The following TENT5D variants were observed in gnomAD, a reference collection of about 807,000 sequenced individuals.
TENT5D encodes cancer/testis antigen 112.
For synonymous variants in TENT5D, 103 were observed against 100.6 expected, an observed-to-expected ratio of 1.02 and a Z score of -0.15; for missense variants, 191 against 287.0, an observed-to-expected ratio of 0.67 and a Z score of 2.42.
intron 1 of TENT5D, among the ~76,000 whole-genome samples, chrX:80,426,780 C>T (rs539846591): frequency 1.8e-5 from 2 of 111,919 alleles, no homozygotes; most frequent in African/African-American, 6.5e-5. Context: ...ACGCCTTGCA[C>T]GTAAATCCAT....
At chrX:80,392,051 A>C (rs1431012778) in intron 3 of TENT5D, among the ~76,000 whole-genome samples, 1 of 112,479 alleles carries the variant, frequency 8.9e-6, no homozygotes, top group African/African-American at 3.2e-5. Flanking sequence ...TTACCTGGAA[A>C]GAATTACTTC....
rs1345582900 is a variant in TENT5D at position 80,408,563 on chromosome X, C to G, written c.-141-30047C>G. On this transcript the variant is annotated intron_variant, in intron 3 of 4. Transcript: ENST00000538312. ...ACTAAACCAGGAAGAAGTTGAATCT[C>G]TGAATAGACCAATAACACGAGCTGA... 9.1e-5 allele frequency among the ~76,000 whole-genome samples: 10 copies of G among 110,306 alleles called. No individual in the cohort carries two copies. In the Admixed American group the frequency reaches 9.6e-4, roughly 11 times the overall value.
intron 2 of TENT5D, among the ~76,000 whole-genome samples, chrX:80,342,285 C>T (rs931540607): frequency 2.7e-5 from 3 of 111,320 alleles, no homozygotes; most frequent in African/African-American, 6.5e-5. Context: ...CACTACAACA[C>T]GTCTCAAATT....
intron 3 of TENT5D, among the ~76,000 whole-genome samples, chrX:80,385,909 A>G (rs1232312815): frequency 8.9e-6 from 1 of 112,352 alleles, no homozygotes; most frequent in African/African-American, 3.2e-5. Flanking sequence ...TGATCATTAA[A>G]AAGTCAGGAA....
At chrX:80,405,267 G>A (rs989039626) in intron 3 of TENT5D, among the ~76,000 whole-genome samples, 4 of 112,672 alleles carry the variant, frequency 3.6e-5, no homozygotes, top group Non-Finnish European at 7.5e-5. Context: ...TGGCCGAATA[G>A]GAACAGCTCC....
chrX:80,351,226 C>G (rs1930171058), intron 3 of TENT5D, among the ~76,000 whole-genome samples: 1 of 110,600 alleles, frequency 9.0e-6, no homozygotes, highest in African/African-American at 3.3e-5. Context: ...TAGTTAATAT[C>G]CTGAAGTGTG....
chrX:80,382,617 G>A (rs894159480), intron 3 of TENT5D, among the ~76,000 whole-genome samples: 1 of 111,282 alleles, frequency 9.0e-6, no homozygotes, highest in African/African-American at 3.3e-5. Context: ...GCAGAGGCAG[G>A]CAGGCCTCCT....
intron 3 of TENT5D, among the ~76,000 whole-genome samples, chrX:80,400,146 C>T (rs758966789): frequency 1.3e-4 from 15 of 111,456 alleles, no homozygotes; most frequent in South Asian, 7.6e-4. Flanking sequence ...CCAAAAACCT[C>T]AGGACCCAGA....
At chrX:80,391,358 G>A (rs770390155) in intron 3 of TENT5D, among the ~76,000 whole-genome samples, 5 of 111,694 alleles carry the variant, frequency 4.5e-5, no homozygotes, top group Non-Finnish European at 9.4e-5. Context: ...TTTGTGAAAA[G>A]ATAAAAGCAA....
chrX:80,400,026 C>G (rs1010667841), intron 3 of TENT5D, among the ~76,000 whole-genome samples: 1 of 111,413 alleles, frequency 9.0e-6, no homozygotes, highest in Non-Finnish European at 1.9e-5. Context: ...CATCCCATTA[C>G]AGGCCTTCTG....
At chrX:80,439,133 C>G (rs534914550) in intron 2 of TENT5D, among the ~76,000 whole-genome samples, 1 of 111,699 alleles carries the variant, frequency 9.0e-6, no homozygotes, top group Admixed American at 9.6e-5. Flanking sequence ...TGAACTACTG[C>G]TGATCTCCAC....
intron 3 of TENT5D, among the ~76,000 whole-genome samples, chrX:80,357,961 A>G (rs191110893): frequency 8.9e-6 from 1 of 111,798 alleles, no homozygotes; most frequent in East Asian, 2.8e-4. Context: ...TGGTACCAAA[A>G]CAGAGATATA....
chrX:80,383,316 G>A (rs1267415288), intron 3 of TENT5D, among the ~76,000 whole-genome samples: 1 of 111,513 alleles, frequency 9.0e-6, no homozygotes, highest in Admixed American at 9.5e-5. Context: ...TATGAGGTGA[G>A]CATATCTATC....
At chrX:80,390,994 C>G (rs1569364766) in intron 3 of TENT5D, among the ~76,000 whole-genome samples, 2 of 112,114 alleles carry the variant, frequency 1.8e-5, no homozygotes, top group African/African-American at 3.2e-5. Context: ...GAACTGAATT[C>G]TAGCCTGGCT....
intron 3 of TENT5D, among the ~76,000 whole-genome samples, chrX:80,378,744 A>T (rs1259764176): frequency 9.0e-6 from 1 of 111,220 alleles, no homozygotes; most frequent in East Asian, 2.8e-4. Flanking sequence ...TTGGCTTAGG[A>T]TTGTCTTTGC....
chrX:80,398,828 C>T (rs181842775), intron 3 of TENT5D, among the ~76,000 whole-genome samples: 203 of 110,357 alleles, frequency 1.8e-3, no homozygotes, highest in African/African-American at 6.4e-3. Flanking sequence ...CTTTGTGGTA[C>T]ATTTTGGGGT....
intron 3 of TENT5D, among the ~76,000 whole-genome samples, chrX:80,388,774 C>G (rs1224811684): frequency 1.8e-5 from 2 of 111,843 alleles, no homozygotes. Flanking sequence ...CCTCAACCCC[C>G]AAATCCACTG....
chrX:80,370,861 A>G (rs780535901), intron 3 of TENT5D, among the ~76,000 whole-genome samples: 1 of 112,036 alleles, frequency 8.9e-6, no homozygotes, highest in African/African-American at 3.2e-5. Context: ...TGATATGACA[A>G]TACAATATGA....
intron 3 of TENT5D, among the ~76,000 whole-genome samples, chrX:80,403,340 T>C (rs1402436735): frequency 8.9e-6 from 1 of 111,920 alleles, no homozygotes; most frequent in Non-Finnish European, 1.9e-5. Flanking sequence ...CCTTAAGACA[T>C]TGTTATTTAC....
Sources: allele counts gnomAD v4.1 joint callset (sites outside exome capture counted in the v4.1 genomes callset), GRCh38; gene constraint gnomAD v4.1.1; transcripts MANE v1.5; gene names NCBI Gene and HGNC (gene_info 2026-07-23, HGNC 2026-07-21).